The following NKAIN2 variants were observed in gnomAD, a reference collection of about 807,000 sequenced individuals.
NKAIN2 encodes sodium/potassium transporting ATPase interacting 2.
In NKAIN2, 14 loss-of-function variants were observed where a neutral mutation model predicts 32.6. The observed-to-expected ratio is 0.43, with a 90% CI of 0.28 to 0.67. The LOEUF (loss-of-function observed/expected upper bound fraction) is 0.67. Among genes scored for constraint, NKAIN2 ranks in the 30% least tolerant of loss-of-function variants. The pLI, the probability that NKAIN2 is intolerant of heterozygous loss-of-function variation, is 0.17. For missense variants in NKAIN2, 198 were observed against 258.3 expected (o/e 0.77, Z 1.60); for synonymous variants, 80 against 87.2 (o/e 0.92, Z 0.46).
At chr6:123,830,395 A>G (rs1489804099) in intron 1 of NKAIN2, among the ~76,000 whole-genome samples, 1 of 152,156 alleles carries the variant, frequency 6.6e-6, no homozygotes, top group East Asian at 1.9e-4. Context: ...TTACAAGGAC[A>G]TGCCTGGCCT....
intron 1 of NKAIN2, among the ~76,000 whole-genome samples, chr6:123,959,753 A>G (rs984759864): frequency 6.6e-6 from 1 of 151,742 alleles, no homozygotes; most frequent in Non-Finnish European, 1.5e-5. Flanking sequence ...TTTTTTCCCT[A>G]GAAGACATGT....
chr6:124,285,080 A>G (rs765945957), intron 2 of NKAIN2, among the ~76,000 whole-genome samples: 2 of 152,198 alleles, frequency 1.3e-5, no homozygotes, highest in Non-Finnish European at 1.5e-5. Flanking sequence ...TGAGGCTATT[A>G]GACACAACCT....
chr6:124,536,245 C>T (rs767295825), intron 3 of NKAIN2, among the ~76,000 whole-genome samples: 6 of 152,134 alleles, frequency 3.9e-5, no homozygotes, highest in Non-Finnish European at 8.8e-5. Context: ...ATTTTCTGCC[C>T]TGAAGCTCTT....
intron 5 of NKAIN2, among the ~76,000 whole-genome samples, chr6:124,812,714 A>G (rs1435658972): frequency 6.6e-6 from 1 of 151,612 alleles, no homozygotes; most frequent in Non-Finnish European, 1.5e-5. Context: ...AGAAAGCCAA[A>G]CACCAACTCC....
intron 1 of NKAIN2, among the ~76,000 whole-genome samples, chr6:123,811,759 C>A (rs931450385): frequency 3.9e-5 from 6 of 151,924 alleles, no homozygotes; most frequent in South Asian, 2.1e-4. Flanking sequence ...AAGTTTATGG[C>A]CAATGGCCCT....
chr6:123,909,737 T>C (rs1582759677), intron 1 of NKAIN2, among the ~76,000 whole-genome samples: 1 of 152,314 alleles, frequency 6.6e-6, no homozygotes, highest in South Asian at 2.1e-4. Context: ...AACAGGACTT[T>C]TATGATTCTT....
At chr6:124,739,152 G>A (rs958145478) in intron 4 of NKAIN2, among the ~76,000 whole-genome samples, 2 of 151,800 alleles carry the variant, frequency 1.3e-5, no homozygotes, top group South Asian at 4.1e-4. Flanking sequence ...TGATTCTAAT[G>A]ATCTAATGCC....
At chr6:123,939,591 C>A (rs1166173019) in intron 1 of NKAIN2, among the ~76,000 whole-genome samples, 5 of 151,980 alleles carry the variant, frequency 3.3e-5, no homozygotes, top group Admixed American at 6.6e-5. Context: ...GAATAATGCA[C>A]TCTGATATTT....
chr6:124,086,044 G>A (rs1784176463), intron 1 of NKAIN2, among the ~76,000 whole-genome samples: 1 of 151,886 alleles, frequency 6.6e-6, no homozygotes, highest in Non-Finnish European at 1.5e-5. Context: ...AGAAGGATTT[G>A]CATTATTATA....
chr6:124,165,535 C>G (rs1372464642), intron 1 of NKAIN2, among the ~76,000 whole-genome samples: 1 of 151,560 alleles, frequency 6.6e-6, no homozygotes, highest in East Asian at 1.9e-4. Flanking sequence ...TATTATTATA[C>G]TTTAAGTTTT....
At chr6:124,747,197 G>A (rs1446038875) in intron 4 of NKAIN2, among the ~76,000 whole-genome samples, 1 of 151,906 alleles carries the variant, frequency 6.6e-6, no homozygotes, top group African/African-American at 2.4e-5. Context: ...TAAGGCCAGA[G>A]CTGGGGTCAC....
At chr6:124,514,104 A>C (rs958166225) in intron 3 of NKAIN2, among the ~76,000 whole-genome samples, 2 of 152,202 alleles carry the variant, frequency 1.3e-5, no homozygotes, top group Admixed American at 1.3e-4. Context: ...AATCAGAAAC[A>C]GTTGAAAACA....
intron 1 of NKAIN2, among the ~76,000 whole-genome samples, chr6:123,975,699 T>G (rs1299247639): frequency 6.6e-6 from 1 of 152,110 alleles, no homozygotes; most frequent in Admixed American, 6.6e-5. Context: ...TGTCTTCACA[T>G]AGCAAAAGAA....
intron 3 of NKAIN2, among the ~76,000 whole-genome samples, chr6:124,543,882 A>T (rs1013493658): frequency 7.9e-5 from 12 of 152,284 alleles, no homozygotes; most frequent in African/African-American, 2.4e-4. Flanking sequence ...CTATAAGTAT[A>T]AAAGGTAGGG....
chr6:124,181,180 C>G (rs1465798997), intron 1 of NKAIN2, among the ~76,000 whole-genome samples: 1 of 152,100 alleles, frequency 6.6e-6, no homozygotes. Context: ...AAACCATGGC[C>G]CCAGCTGCAC....
Position 123,839,459 on chromosome 6 carries a change from C to G in NKAIN2, c.54+35205C>G, listed in dbSNP as rs191867380. Among the ~76,000 whole-genome samples the G allele has an allele frequency of 4.5e-4, 69 of 152,160 alleles. 1 individual carries two copies. In the East Asian group the frequency reaches 9.9e-3, roughly 22 times the overall value. Reference sequence around the variant, plus strand: ...TCTATAAAGAATATGTACTCCAATCCTATTCTTTCTGTTGAGTTACTCCTA... The same window carrying G: ...TCTATAAAGAATATGTACTCCAATCGTATTCTTTCTGTTGAGTTACTCCTA... On this transcript the variant is annotated intron_variant, in intron 1 of 6. Transcript: ENST00000368417.
rs975061879 is a variant in NKAIN2 at position 124,256,601 on chromosome 6, T to C, written c.55-26404T>C. Among the ~76,000 whole-genome samples the C allele has an allele frequency of 2.6e-5, 4 of 152,334 alleles. No homozygotes were observed. The East Asian group carries it at 7.7e-4, about 29-fold the overall frequency. Reference sequence around the variant, plus strand: ...AGTATGATTAAGAGTAGATAAGTCTTGGAAATTTGAAAAATCTTAATTTCC... The same window carrying C: ...AGTATGATTAAGAGTAGATAAGTCTCGGAAATTTGAAAAATCTTAATTTCC... On this transcript the variant is annotated intron_variant, in intron 1 of 6. Transcript: ENST00000368417.
chr6:124,127,710 G>A (rs1346381424), intron 1 of NKAIN2, among the ~76,000 whole-genome samples: 1 of 152,162 alleles, frequency 6.6e-6, no homozygotes, highest in Non-Finnish European at 1.5e-5. Flanking sequence ...AGCAAAGGAG[G>A]CTGTCCCTGT....
At chr6:124,798,171 A>C (rs1780097863) in intron 5 of NKAIN2, among the ~76,000 whole-genome samples, 2 of 151,912 alleles carry the variant, frequency 1.3e-5, no homozygotes, top group African/African-American at 4.8e-5. Flanking sequence ...TGGTAGTCTG[A>C]GCTTTCTTTC....
Sources: allele counts gnomAD v4.1 joint callset (sites outside exome capture counted in the v4.1 genomes callset), GRCh38; gene constraint gnomAD v4.1.1; transcripts MANE v1.5; gene names NCBI Gene and HGNC (gene_info 2026-07-23, HGNC 2026-07-21).